Variants in TRRAP observed in about 807,000 individuals in gnomAD.
TRRAP encodes transformation/transcription domain-associated protein.
A neutral mutation model predicts 438.8 loss-of-function variants in TRRAP; 41 were observed. The ratio of observed to expected loss-of-function variants is 0.09; its 90% confidence interval spans 0.07 to 0.12. The LOEUF (loss-of-function observed/expected upper bound fraction) is 0.12. Ranked by LOEUF, TRRAP falls within the 10% of genes least tolerant of loss-of-function variation. The probability of loss-of-function intolerance (pLI) is 1.00; values close to 1 mark genes in which losing one functional copy is unlikely to be tolerated. For synonymous variants in TRRAP, 1,994 were observed against 1,962.9 expected, an observed-to-expected ratio of 1.02 and a Z score of -0.42; for missense variants, 3,122 against 5,055.1, an observed-to-expected ratio of 0.62 and a Z score of 11.60.
chr7:98,991,928 T>C lies in TRRAP; in HGVS notation c.9757-209T>C, dbSNP rs2116802609. 1.3e-5 allele frequency among the ~76,000 whole-genome samples: 2 copies of C among 152,362 alleles called. 1 individual carries two copies. On this transcript the variant is annotated intron_variant, in intron 64 of 72. Transcript: ENST00000456197. ...TTGATGAAATGCATGTGTTGATGTG[T>C]CTTGGCTCTTTTAAAGTGAATTAAA...
intron 27 of TRRAP, 27 bp downstream of exon 27, chr7:98,933,429 G>A (rs1554413452): frequency 6.2e-7 from 1 of 1,604,688 alleles, no homozygotes; most frequent in Admixed American, 1.7e-5. Context: ...GCGGAGTGGT[G>A]TGGATGGTGA....
chr7:98,914,571 T>C (rs958048749), intron 18 of TRRAP, among the ~76,000 whole-genome samples: 1 of 151,554 alleles, frequency 6.6e-6, no homozygotes, highest in Non-Finnish European at 1.5e-5. Context: ...GGAATGTGGC[T>C]GGGCATGGTG....
chr7:98,941,258 C>A (rs1263740240), intron 30 of TRRAP, among the ~76,000 whole-genome samples: 1 of 152,166 alleles, frequency 6.6e-6, no homozygotes, highest in Non-Finnish European at 1.5e-5. Flanking sequence ...TCACTGCAAC[C>A]TCCATCTCCT....
rs138533645 is a variant in TRRAP, at chr7:99,004,147, C to T, written c.10310-43C>T. 220 of 1,572,374 alleles carry T rather than the reference C, an allele frequency of 1.4e-4. No homozygotes were observed. The East Asian group carries it at 4.4e-3, about 31-fold the overall frequency. ...GTTTTTTGCAGTGTGTTAGAACTGG[C>T]CCAGATGACTAAAAACGTTTTTAAT... is the stretch of plus-strand genomic sequence containing the variant. On this transcript the variant is annotated intron_variant, in intron 67 of 72. Transcript: ENST00000456197.
intron 24 of TRRAP, 45 bp from the exon 25 acceptor site, chr7:98,930,588 A>C (rs1554412619): frequency 6.2e-7 from 1 of 1,603,954 alleles, no homozygotes; most frequent in South Asian, 1.1e-5. Flanking sequence ...CAAAAAAAAC[A>C]AGAATTGCAG....
chr7:98,914,519 A>G lies in TRRAP; in HGVS notation c.2200-1204A>G, dbSNP rs138640065. On this transcript the variant is annotated intron_variant, in intron 18 of 72. Transcript: ENST00000456197. ...AGATATGACTATGCAGAACAACAGC[A>G]AAAAAGCCCAGAATAAAACCTATCG... Among the ~76,000 whole-genome samples, 936 of 152,198 alleles carry G rather than the reference A, an allele frequency of 6.1e-3. 10 individuals are homozygous for G. Among genetic ancestry groups the G allele is most frequent in the African/African-American group, 0.021 (872 of 41,534 alleles).
intron 51 of TRRAP, 81 bp downstream of exon 51, chr7:98,967,779 A>G (rs1792222889): frequency 2.4e-6 from 3 of 1,238,452 alleles, no homozygotes; most frequent in South Asian, 2.6e-5. Context: ...GGAGGTGTTC[A>G]CACACACTGA....
chr7:98,998,734 C>T, intron 67 of TRRAP: 1 of 189,398 alleles, frequency 5.3e-6, no homozygotes. Context: ...ACAGCATGGG[C>T]ATCTCTTCGA....
chr7:98,976,776 G>T lies in TRRAP; in HGVS notation c.8247+6G>T, dbSNP rs554374514. On this transcript the variant is annotated splice_donor_region_variant and intron_variant, in intron 55 of 72. Transcript: ENST00000456197. The surrounding 1 kb of genome is among the most constrained non-coding windows in gnomAD (Gnocchi z 4.6). Reference sequence around the variant, plus strand: ...GCATCACCCCGCCGCAGCAGGTGAGGGTGCGCCTCAGTTTGTTAATTACCT... The same window carrying T: ...GCATCACCCCGCCGCAGCAGGTGAGTGTGCGCCTCAGTTTGTTAATTACCT... 1 of 1,611,500 alleles carries T rather than the reference G, an allele frequency of 6.2e-7. No individual in the cohort carries two copies. Among genetic ancestry groups the T allele is most frequent in the Admixed American group, 1.7e-5 (1 of 59,964 alleles).
chr7:98,900,034 G>A (rs1211159436), intron 10 of TRRAP, among the ~76,000 whole-genome samples: 3 of 152,168 alleles, frequency 2.0e-5, no homozygotes, highest in Non-Finnish European at 4.4e-5. Context: ...GACAGCTATG[G>A]CATGTCCAAG....
chr7:98,934,568 G>C (rs896203392), intron 27 of TRRAP, among the ~76,000 whole-genome samples: 25 of 152,192 alleles, frequency 1.6e-4, no homozygotes, highest in Non-Finnish European at 8.8e-5. Flanking sequence ...TGGTTTTCCA[G>C]ATGTCTCTCA....
chr7:98,943,017 C>T lies in TRRAP; in HGVS notation c.4473C>T (p.Asn1491=), dbSNP rs1433592568. ...AAGGGGGCCAGAGGAGCGACGGAAA[C>T]GTGAGTGACTTGTTTGTTTCTGGGA... ...THKGGQRSDG[N]ESISECGRCP... The change falls in exon 31 of 73, where the codon AAC becomes AAT. Residue 1491 remains asparagine, a splice_region_variant and synonymous_variant. Coordinates refer to ENST00000456197, the MANE Select transcript of TRRAP (RefSeq NM_001375524.1). The T allele has an allele frequency of 7.4e-6, 12 of 1,614,048 alleles. No homozygotes were observed. Among genetic ancestry groups the T allele is most frequent in the Middle Eastern group, 3.3e-4 (2 of 6,062 alleles).
In TRRAP at chr7:98,911,283, C is replaced by T; in HGVS notation, c.2007+12C>T. The T allele has an allele frequency of 6.3e-7, 1 of 1,589,980 alleles. No homozygotes were observed. On this transcript the variant is annotated intron_variant, in intron 17 of 72. Coordinates refer to ENST00000456197, the MANE Select transcript of TRRAP (RefSeq NM_001375524.1). ...ATTATGCTCTTCAGGTATAAAACTC[C>T]TTTTTTTATGTTGTTTGAACATTAC...
At chr7:98,892,925 C>G (rs1188880261) in intron 5 of TRRAP, among the ~76,000 whole-genome samples, 1 of 152,050 alleles carries the variant, frequency 6.6e-6, no homozygotes, top group Non-Finnish European at 1.5e-5. Flanking sequence ...CATCTGGTAC[C>G]TCCAAATTGT....
intron 65 of TRRAP, among the ~76,000 whole-genome samples, chr7:98,992,760 C>G (rs1793486169): frequency 6.6e-6 from 1 of 152,154 alleles, no homozygotes. Flanking sequence ...AGGCAGGGTG[C>G]TTTAAATAAT....
In TRRAP at chr7:98,967,482, C is replaced by A. The variant is rs1302599996; in HGVS notation, c.7299-3C>A. 1 of 1,613,628 alleles carries A rather than the reference C, an allele frequency of 6.2e-7. No homozygotes were observed. On this transcript the variant is annotated splice_polypyrimidine_tract_variant and splice_region_variant and intron_variant, in intron 50 of 72. Coordinates refer to ENST00000456197, the MANE Select transcript of TRRAP (RefSeq NM_001375524.1). ...CTTGCCTGTCTCTGACTTGGTGTTA[C>A]AGGGATGAGACCCTCTCTGGCAGCG...
At chr7:98,945,427 CT>C (rs1307738012) in intron 31 of TRRAP, among the ~76,000 whole-genome samples, 1 of 152,154 alleles carries the variant, frequency 6.6e-6, no homozygotes, top group East Asian at 1.9e-4. Context: ...CTACAAAAGA[CT>C]TTTTAAAAAT....
rs1211021332 is a variant in TRRAP, at chr7:99,005,391, C to T, written c.10753+43C>T. 1.3e-6 allele frequency: 2 copies of T among 1,595,262 alleles called. No homozygotes were observed. The highest frequency in any genetic ancestry group is 4.5e-5 in the East Asian group (2 of 44,764). ...AGCTCGCTGGGTACACAGGCAGCTT[C>T]ACAGGTGGGGATGAGAGCCACACCT... is the stretch of plus-strand genomic sequence containing the variant. On this transcript the variant is annotated intron_variant, in intron 69 of 72. Coordinates refer to ENST00000456197, the MANE Select transcript of TRRAP (RefSeq NM_001375524.1). The surrounding 1 kb of genome is among the most constrained non-coding windows in gnomAD (Gnocchi z 5.1).
chr7:98,949,586 C>T lies in TRRAP; in HGVS notation c.4953+5C>T, dbSNP rs368789902. On this transcript the variant is annotated splice_donor_5th_base_variant and intron_variant, in intron 36 of 72. Transcript: ENST00000456197. ...CTCCAGTTCCAGGCCATCAAGGTAGCGCCCCTTCCTCCAGCCCCCAATGCC... is the reference window on the plus strand; with the variant it reads ...CTCCAGTTCCAGGCCATCAAGGTAGTGCCCCTTCCTCCAGCCCCCAATGCC... The T allele has an allele frequency of 4.4e-5, 70 of 1,584,084 alleles. No homozygotes were observed. Among genetic ancestry groups the T allele is most frequent in the Admixed American group, 3.4e-4 (19 of 55,690 alleles).
Sources: allele counts gnomAD v4.1 joint callset (sites outside exome capture counted in the v4.1 genomes callset), GRCh38; gene constraint gnomAD v4.1.1; non-coding constraint Gnocchi (gnomAD v3.1); transcripts MANE v1.5; gene names NCBI Gene and HGNC (gene_info 2026-07-23, HGNC 2026-07-21).